Variants in ZBTB20 observed in about 807,000 individuals in gnomAD.
ZBTB20 encodes zinc finger and BTB domain containing 20.
A neutral mutation model predicts 56.9 loss-of-function variants in ZBTB20; 9 were observed. The ratio of observed to expected loss-of-function variants is 0.16; its 90% CI spans 0.10 to 0.28. The LOEUF (loss-of-function observed/expected upper bound fraction) is 0.28. ZBTB20 is among the 10% of genes least tolerant of loss of function. The probability of loss-of-function intolerance (pLI) is 1.00; values close to 1 mark genes in which losing one functional copy is unlikely to be tolerated. For missense variants in ZBTB20, 655 were observed against 1,003.0 expected (o/e 0.65, Z 4.69); for synonymous variants, 417 against 420.7 (o/e 0.99, Z 0.11).
chr3:114,685,702 G>A (rs1381992020), intron 6 of ZBTB20, among the ~76,000 whole-genome samples: 1 of 152,108 alleles, frequency 6.6e-6, no homozygotes, highest in Admixed American at 6.6e-5. Context: ...CTCAAACAGT[G>A]TTTCCTTTAT....
intron 6 of ZBTB20, among the ~76,000 whole-genome samples, chr3:114,652,646 ATTCTTT>A (rs2060194617): frequency 6.6e-6 from 1 of 151,996 alleles, no homozygotes; most frequent in African/African-American, 2.4e-5. Flanking sequence ...TTTCAACTTT[ATTCTTT>A]TTCTAAGTTT....
intron 1 of ZBTB20, among the ~76,000 whole-genome samples, chr3:115,072,923 C>T (rs1576711324): frequency 6.6e-6 from 1 of 152,162 alleles, no homozygotes; most frequent in South Asian, 2.1e-4. Context: ...CCTTAGATTC[C>T]TCATTGGTCA....
intron 4 of ZBTB20, among the ~76,000 whole-genome samples, chr3:114,890,749 T>TA (rs796698178): frequency 6.6e-6 from 1 of 151,896 alleles, no homozygotes; most frequent in South Asian, 2.1e-4. Context: ...TAAAGTATAA[T>TA]AAAAAAGGAA....
At chr3:114,458,471 G>C (rs1043783950) in intron 7 of ZBTB20, among the ~76,000 whole-genome samples, 7 of 152,098 alleles carry the variant, frequency 4.6e-5, no homozygotes, top group African/African-American at 1.7e-4. Flanking sequence ...CAATGAAACA[G>C]ATTTTTAAAA....
At chr3:115,091,683 T>C (rs1208248722) in intron 1 of ZBTB20, among the ~76,000 whole-genome samples, 1 of 150,202 alleles carries the variant, frequency 6.7e-6, no homozygotes, top group Non-Finnish European at 1.5e-5. Context: ...ATTTTATATA[T>C]ATATATATAA....
intron 3 of ZBTB20, among the ~76,000 whole-genome samples, chr3:114,905,451 T>A (rs1003522170): frequency 5.3e-5 from 8 of 151,858 alleles, no homozygotes; most frequent in Admixed American, 2.0e-4. Context: ...GGAATTGTCT[T>A]TTACATAAGA....
chr3:115,053,936 C>A (rs2081653604), intron 2 of ZBTB20, among the ~76,000 whole-genome samples: 2 of 152,086 alleles, frequency 1.3e-5, no homozygotes, highest in South Asian at 4.1e-4. Flanking sequence ...AAAAAACTCT[C>A]CCATAAACTA....
intron 4 of ZBTB20, among the ~76,000 whole-genome samples, chr3:114,899,943 T>TA (rs1039397721): frequency 1.3e-5 from 2 of 151,408 alleles, no homozygotes; most frequent in African/African-American, 2.4e-5. Context: ...AGCAGCAAAA[T>TA]AAAAAAAAGT....
At chr3:114,377,388 T>C (rs1479189756) in intron 10 of ZBTB20, among the ~76,000 whole-genome samples, 2 of 152,356 alleles carry the variant, frequency 1.3e-5, no homozygotes, top group East Asian at 1.9e-4. Flanking sequence ...TATTTCTTCT[T>C]GTTTTGAATA....
intron 2 of ZBTB20, among the ~76,000 whole-genome samples, chr3:115,001,601 C>T (rs754950418): frequency 1.2e-4 from 18 of 150,382 alleles, no homozygotes; most frequent in Non-Finnish European, 2.4e-4. Context: ...AATATATTAC[C>T]AATTAAATAT....
At chr3:114,414,732 ATATAAT>A (rs1386906979) in intron 7 of ZBTB20, among the ~76,000 whole-genome samples, 1 of 147,890 alleles carries the variant, frequency 6.8e-6, no homozygotes, top group Non-Finnish European at 1.5e-5. Flanking sequence ...AATATATAAA[ATATAAT>A]TATAAAATAT....
chr3:114,794,454 T>C lies in ZBTB20; in HGVS notation c.-343+6647A>G, dbSNP rs150497248. ...GGGATTACAGTACCAGCCCCTGCCATTGACTATTTAACTATGACTTGGATA... is the reference window on the plus strand; with the variant it reads ...GGGATTACAGTACCAGCCCCTGCCACTGACTATTTAACTATGACTTGGATA... On this transcript the variant is annotated intron_variant, in intron 5 of 11. Transcript: ENST00000675478. 3.5e-3 allele frequency among the ~76,000 whole-genome samples: 536 copies of C among 152,224 alleles called. 1 individual carries two copies. The highest frequency in any genetic ancestry group is 0.016 in the South Asian group (77 of 4,814).
At chr3:114,998,290 T>C (rs1330588878) in intron 2 of ZBTB20, among the ~76,000 whole-genome samples, 3 of 151,754 alleles carry the variant, frequency 2.0e-5, no homozygotes, top group Non-Finnish European at 2.9e-5. Flanking sequence ...TTGTACGTCT[T>C]TGTATCACAT....
intron 3 of ZBTB20, among the ~76,000 whole-genome samples, chr3:114,909,126 T>C (rs1468143126): frequency 6.6e-6 from 1 of 151,984 alleles, no homozygotes; most frequent in Non-Finnish European, 1.5e-5. Flanking sequence ...TCACAGGAGA[T>C]GACAGCTCCA....
At chr3:115,095,466 A>G (rs2083346562) in intron 1 of ZBTB20, among the ~76,000 whole-genome samples, 1 of 152,196 alleles carries the variant, frequency 6.6e-6, no homozygotes, top group Admixed American at 6.5e-5. Context: ...CCTGGAGTAT[A>G]AGAGAGGTTA....
At chr3:114,598,829 T>A (rs2056533784) in intron 6 of ZBTB20, among the ~76,000 whole-genome samples, 1 of 152,108 alleles carries the variant, frequency 6.6e-6, no homozygotes, top group African/African-American at 2.4e-5. Context: ...TAAAAAAGCA[T>A]GAAGTATATC....
In ZBTB20 at chr3:114,923,343, A is replaced by G. The variant is rs2076029295; in HGVS notation, c.-455-23001T>C. Among the ~76,000 whole-genome samples the G allele has an allele frequency of 3.3e-5, 5 of 152,320 alleles. No individual in the cohort carries two copies. In the South Asian group the frequency reaches 1.0e-3, roughly 32 times the overall value. ...TTTGTCTTACGAAGCTACAGTAATC[A>G]AAATAGTTTGGTACCAGCATAAAAA... On this transcript the variant is annotated intron_variant, in intron 3 of 11. Transcript: ENST00000675478.
At chr3:114,790,778 T>G (rs925683425) in intron 5 of ZBTB20, among the ~76,000 whole-genome samples, 3 of 151,598 alleles carry the variant, frequency 2.0e-5, no homozygotes, top group East Asian at 1.9e-4. Context: ...ACAGTAAGTT[T>G]TTTTTTTTTT....
chr3:114,471,000 T>C (rs916695098), intron 7 of ZBTB20, among the ~76,000 whole-genome samples: 1 of 152,206 alleles, frequency 6.6e-6, no homozygotes, highest in Non-Finnish European at 1.5e-5. Context: ...AATATGCATG[T>C]ATTTATAAAA....
Sources: gnomAD v4.1 joint callset for allele counts (sites outside exome capture counted in the v4.1 genomes callset) on GRCh38, gnomAD v4.1.1 for gene constraint, MANE v1.5 for transcripts, NCBI Gene and HGNC (gene_info 2026-07-23, HGNC 2026-07-21) for gene names.